NCOR2: variants seen among roughly 807,000 people sequenced by gnomAD.
NCOR2 encodes the protein CTG repeat protein 26.
Under a neutral mutation model 262.9 loss-of-function variants are expected in NCOR2, and 81 were observed. The ratio of observed to expected loss-of-function variants is 0.31; its 90% CI spans 0.26 to 0.37. NCOR2 has a LOEUF of 0.37. NCOR2 is among the 10% of genes least tolerant of loss of function. The pLI is 1.00. For missense variants in NCOR2, 3,385 were observed against 3,621.4 expected (o/e 0.93, Z 1.68); for synonymous variants, 1,659 against 1,559.3 (o/e 1.06, Z -1.51).
In NCOR2 at chr12:124,482,704, G is replaced by C. The variant is rs2047560873; in HGVS notation, c.411+892C>G. Among the ~76,000 whole-genome samples, 1 of 152,168 alleles carries C rather than the reference G, an allele frequency of 6.6e-6. No homozygotes were observed. The highest frequency in any genetic ancestry group is 6.5e-5 in the Admixed American group (1 of 15,276). On this transcript the variant is annotated intron_variant, in intron 3 of 46. Transcript: ENST00000405201. This position sits in a 1 kb window ranked among gnomAD's most constrained non-coding sequence, Gnocchi z 6.3. ...AGATGGACGGAGGGCCCTGGGATAA[G>C]TGAGTGTGCCCAGGTGAGGCCTGGG...
At chr12:124,419,125 C>G (rs2043073523) in intron 13 of NCOR2, among the ~76,000 whole-genome samples, 1 of 151,794 alleles carries the variant, frequency 6.6e-6, no homozygotes, top group Non-Finnish European at 1.5e-5. Context: ...CACCGAGCGC[C>G]CAGGATCCCC....
At chr12:124,486,686 G>A (rs888983055) in intron 1 of NCOR2, 118 bp from the exon 4 acceptor site, 91 of 1,303,294 alleles carry the variant, frequency 7.0e-5, no homozygotes, top group Non-Finnish European at 9.3e-5. Flanking sequence ...GCCCTAGGCA[G>A]ATAAGCCCAA....
exon 47 of NCOR2, chr12:124,324,730 T>G (rs2034506007): frequency 1.3e-5 from 2 of 152,556 alleles, no homozygotes; most frequent in Non-Finnish European, 1.5e-5. Context: ...AAATATACCC[T>G]GTAAACCAAC....
rs1418802283 is a variant in NCOR2 at position 124,483,722 on chromosome 12, C to T, written c.285G>A (p.Leu95=). ...CAATGAACTCCATCTCTGACTTCCC[C>T]AGCTCGGGCAGGTATGAGTGGGACT... is the stretch of plus-strand genomic sequence containing the variant. The change falls in exon 3 of 47, where the codon CTG becomes CTA. Residue 95 remains leucine (L), a synonymous_variant. Coordinates refer to ENST00000405201, the Ensembl canonical transcript of NCOR2. This position sits in a 1 kb window ranked among gnomAD's most constrained non-coding sequence, Gnocchi z 6.3. 1 of 1,611,290 alleles carries T rather than the reference C, an allele frequency of 6.2e-7. No homozygotes were observed. The highest frequency in any genetic ancestry group is 1.1e-5 in the South Asian group (1 of 90,434).
intron 1 of NCOR2, among the ~76,000 whole-genome samples, chr12:124,547,904 A>G (rs969399911): frequency 1.3e-5 from 2 of 152,256 alleles, no homozygotes; most frequent in South Asian, 2.1e-4. Context: ...ATATATTTTT[A>G]TATGAGAAAA....
chr12:124,434,654 A>AG (rs2044224528), intron 8 of NCOR2, among the ~76,000 whole-genome samples: 2 of 152,142 alleles, frequency 1.3e-5, no homozygotes, highest in South Asian at 4.1e-4. Flanking sequence ...CTTCACCCCA[A>AG]GGGGGGAACC....
At chr12:124,552,501 A>G (rs1040353853) in intron 1 of NCOR2, among the ~76,000 whole-genome samples, 1 of 152,162 alleles carries the variant, frequency 6.6e-6, no homozygotes, top group Non-Finnish European at 1.5e-5. Context: ...CTGAGGGGTC[A>G]CTTAATTCCA....
chr12:124,445,310 C>G (rs1018781320), intron 7 of NCOR2, among the ~76,000 whole-genome samples: 1 of 152,188 alleles, frequency 6.6e-6, no homozygotes, highest in African/African-American at 2.4e-5. Context: ...ATGGAGCCCC[C>G]ATCTCCTGCC....
At chr12:124,458,534 G>A (rs1317441070) in intron 5 of NCOR2, among the ~76,000 whole-genome samples, 2 of 152,192 alleles carry the variant, frequency 1.3e-5, no homozygotes, top group African/African-American at 4.8e-5. Context: ...GGCCAGAAGA[G>A]CAGGGGAGAA....
upstream of NCOR2, among the ~76,000 whole-genome samples, chr12:124,497,799 G>A (rs1184213015): frequency 6.6e-6 from 1 of 152,204 alleles, no homozygotes; most frequent in East Asian, 1.9e-4. This position sits in a 1 kb window ranked among gnomAD's most constrained non-coding sequence, Gnocchi z 4.2. Context: ...TGTCAATGAT[G>A]CAGCTGCAGC....
chr12:124,469,371 C>T (rs892075873), intron 4 of NCOR2, among the ~76,000 whole-genome samples: 1 of 152,158 alleles, frequency 6.6e-6, no homozygotes, highest in African/African-American at 2.4e-5. Context: ...CTGCCTCAGT[C>T]CCACAGCGAC....
chr12:124,518,834 G>C (rs968240500), intron 1 of NCOR2, among the ~76,000 whole-genome samples: 1 of 152,128 alleles, frequency 6.6e-6, no homozygotes, highest in Non-Finnish European at 1.5e-5. Context: ...GTCCAGCTTC[G>C]AGCCGCACCT....
intron 1 of NCOR2, among the ~76,000 whole-genome samples, chr12:124,532,911 TCC>T (rs1566032590): frequency 5.5e-5 from 1 of 18,122 alleles, no homozygotes. Flanking sequence ...CCCCCCTCCC[TCC>T]AAGTCCCACT....
intron 1 of NCOR2, among the ~76,000 whole-genome samples, chr12:124,507,452 G>C (rs540621651): frequency 6.6e-6 from 1 of 151,510 alleles, no homozygotes; most frequent in Non-Finnish European, 1.5e-5. Context: ...AAAGGCTCAG[G>C]CTGCCCCCAT....
intron 5 of NCOR2, among the ~76,000 whole-genome samples, chr12:124,461,717 A>T (rs1362414174): frequency 2.0e-5 from 3 of 152,264 alleles, no homozygotes; most frequent in Non-Finnish European, 4.4e-5. Flanking sequence ...CTGTACACAC[A>T]TGCACACAGC....
At chr12:124,558,127 G>A (rs2137283197) in intron 1 of NCOR2, among the ~76,000 whole-genome samples, 1 of 152,232 alleles carries the variant, frequency 6.6e-6, no homozygotes, top group South Asian at 2.1e-4. Context: ...GGTCTCAGCA[G>A]GTACCGCAGA....
exon 38 of NCOR2, chr12:124,337,061 G>T: frequency 1.3e-6 from 2 of 1,490,434 alleles, no homozygotes; most frequent in South Asian, 2.8e-5. Context: ...GGCCTCCTTG[G>T]GCAGCAAGAC....
Position 124,495,193 on chromosome 12 carries a change from G to A in NCOR2, c.59C>T (p.Pro20Leu), listed in dbSNP as rs757710006. 6.0e-5 allele frequency: 97 copies of A among 1,613,822 alleles called. 1 individual carries two copies. The highest frequency in any genetic ancestry group is 3.5e-4 in the South Asian group (32 of 91,082). Residue 20 changes from proline to leucine, a missense_variant, in exon 1 of 47, where the codon CCG becomes CTG. Physicochemically the swap from Pro to Leu is moderately conservative, Grantham distance 98. Around this residue, in one of 5 missense-constraint regions of NCOR2, gnomAD observed 237 missense variants for 229.4 expected, o/e 1.03. Transcript: ENST00000405201. The surrounding 1 kb of genome is among the most constrained non-coding windows in gnomAD (Gnocchi z 4.4). Reference sequence around the variant, plus strand: ...CACTGGGTAGGAAAGGCTGTGGGGCGGGTAGCGGGGCTCAGTGGCCCTCCA... The same window carrying A: ...CACTGGGTAGGAAAGGCTGTGGGGCAGGTAGCGGGGCTCAGTGGCCCTCCA...
At chr12:124,445,123 C>T (rs1365807608) in intron 7 of NCOR2, among the ~76,000 whole-genome samples, 2 of 152,216 alleles carry the variant, frequency 1.3e-5, no homozygotes, top group African/African-American at 4.8e-5. Context: ...AACCGGCTTC[C>T]AGGCCTGAGG....
Sources: allele counts gnomAD v4.1 joint callset (sites outside exome capture counted in the v4.1 genomes callset), GRCh38; gene constraint gnomAD v4.1.1; regional missense constraint gnomAD v4.1.1; non-coding constraint Gnocchi (gnomAD v3.1); transcripts MANE v1.5; gene names NCBI Gene and HGNC (gene_info 2026-07-23, HGNC 2026-07-21).